ZMAT3: variants seen among roughly 807,000 people sequenced by gnomAD.
ZMAT3 encodes zinc finger matrin-type 3.
In ZMAT3, 17 loss-of-function variants were observed where a neutral mutation model predicts 32.3. The observed-to-expected ratio is 0.53, with a 90% CI of 0.36 to 0.79. The LOEUF (loss-of-function observed/expected upper bound fraction) is 0.79. ZMAT3 is among the 30% of genes least tolerant of loss of function. The probability of loss-of-function intolerance (pLI) is 0.00; values close to 1 mark genes in which losing one functional copy is unlikely to be tolerated. For synonymous variants in ZMAT3, 120 were observed against 133.1 expected (o/e 0.90, Z 0.68); for missense variants, 329 against 359.7 (o/e 0.91, Z 0.69).
chr3:179,057,024 T>C (rs1374309285), intron 2 of ZMAT3, among the ~76,000 whole-genome samples: 1 of 152,172 alleles, frequency 6.6e-6, no homozygotes, highest in Non-Finnish European at 1.5e-5. Context: ...GAGCAAAGAA[T>C]GCCTGTCCAG....
rs951700308 is a variant in ZMAT3, at chr3:179,022,047, T to C, written c.*2970A>G. 2 of 151,616 alleles carry C rather than the reference T, an allele frequency of 1.3e-5. No homozygotes were observed. The highest frequency in any genetic ancestry group is 4.9e-5 in the African/African-American group (2 of 40,916). 9.4% of individuals were successfully genotyped at this position (151,616 alleles called of 1,614,324 possible). Reference sequence around the variant, plus strand: ...TAGGCAATACGGTACTAAAGTGTCCTATAAAACAAACACATAGCTCTTTTT... The same window carrying C: ...TAGGCAATACGGTACTAAAGTGTCCCATAAAACAAACACATAGCTCTTTTT... On this transcript the variant is annotated 3_prime_UTR_variant, in exon 6 of 6. Coordinates refer to ENST00000311417, the MANE Select transcript of ZMAT3 (RefSeq NM_022470.4).
rs538265879 is a variant in ZMAT3 at position 179,070,106 on chromosome 3, G to A, written c.-58+1489C>T. Among the ~76,000 whole-genome samples, 3 of 147,230 alleles carry A rather than the reference G, an allele frequency of 2.0e-5. No individual in the cohort carries two copies. In the South Asian group the frequency reaches 6.5e-4, roughly 32 times the overall value. On this transcript the variant is annotated intron_variant, in intron 1 of 5. Coordinates refer to ENST00000311417, the MANE Select transcript of ZMAT3 (RefSeq NM_022470.4). ...ACAAACATTCTGCTAGTTCATTAGTGAAAAGGTGGGGGGGGGTGTCAAAAC... is the reference window on the plus strand; with the variant it reads ...ACAAACATTCTGCTAGTTCATTAGTAAAAAGGTGGGGGGGGGTGTCAAAAC...
chr3:179,042,920 A>T (rs1168033906), intron 2 of ZMAT3, among the ~76,000 whole-genome samples: 1 of 152,212 alleles, frequency 6.6e-6, no homozygotes, highest in African/African-American at 2.4e-5. Flanking sequence ...GCACTCCTAT[A>T]CACCAATAAC....
chr3:179,067,114 T>A (rs758316760), intron 2 of ZMAT3, among the ~76,000 whole-genome samples: 2 of 152,162 alleles, frequency 1.3e-5, no homozygotes, highest in Non-Finnish European at 2.9e-5. Context: ...ACATCATGGG[T>A]TTTTTTGTTT....
At chr3:179,051,875 ATACT>A (rs1485681505) in intron 2 of ZMAT3, among the ~76,000 whole-genome samples, 1 of 152,208 alleles carries the variant, frequency 6.6e-6, no homozygotes, top group Non-Finnish European at 1.5e-5. Flanking sequence ...ATAAAGCCAA[ATACT>A]TACGGTCAAC....
rs983489318 is a variant in ZMAT3, at chr3:179,046,368, G to A, written c.271-15369C>T. Among the ~76,000 whole-genome samples, 4 of 152,214 alleles carry A rather than the reference G, an allele frequency of 2.6e-5. No homozygotes were observed. The highest frequency in any genetic ancestry group is 9.6e-5 in the African/African-American group (4 of 41,456). ...ACTAAGAAAAGTATGCAAATTTGCA[G>A]GGAAAATAGCAGACAGGAGGCAGGA... On this transcript the variant is annotated intron_variant, in intron 2 of 5. Coordinates refer to ENST00000311417, the MANE Select transcript of ZMAT3 (RefSeq NM_022470.4). The surrounding 1 kb of genome is among the most constrained non-coding windows in gnomAD (Gnocchi z 4.3).
intron 1 of ZMAT3, among the ~76,000 whole-genome samples, chr3:179,068,566 C>G (rs749366327): frequency 1.1e-4 from 16 of 151,218 alleles, no homozygotes; most frequent in Non-Finnish European, 2.2e-4. Flanking sequence ...TTCCAACCAA[C>G]CAATATCAAA....
intron 2 of ZMAT3, among the ~76,000 whole-genome samples, chr3:179,034,240 A>T (rs751808310): frequency 7.9e-5 from 12 of 152,366 alleles, no homozygotes; most frequent in Middle Eastern, 3.4e-3. Context: ...AAGCAGCTAA[A>T]TAGAGTAATG....
In ZMAT3 at chr3:179,046,242, G is replaced by A. The variant is rs1720229637; in HGVS notation, c.271-15243C>T. 6.6e-6 allele frequency among the ~76,000 whole-genome samples: 1 copy of A among 152,194 alleles called. No homozygotes were observed. Among genetic ancestry groups the A allele is most frequent in the Admixed American group, 6.5e-5 (1 of 15,284 alleles). ...AGAAGAGGTACCCAGTACTAGTGGA[G>A]GGGTCAAGGTTAGATAGTATCAGGT... On this transcript the variant is annotated intron_variant, in intron 2 of 5. Transcript: ENST00000311417. The surrounding 1 kb of genome is among the most constrained non-coding windows in gnomAD (Gnocchi z 4.3).
At chr3:179,067,938 T>C in intron 1 of ZMAT3, 129 bp from the exon 2 acceptor site, 1 of 868,746 alleles carries the variant, frequency 1.2e-6, no homozygotes, top group Non-Finnish European at 1.7e-6. Context: ...GGGACTTCTT[T>C]CCTTTGGCCT....
At position 179,018,691 on chromosome 3, in the gene ZMAT3, A is replaced by C. The variant is rs1718393997; in HGVS notation, c.*6326T>G. 6.6e-6 allele frequency: 1 copy of C among 152,186 alleles called. No homozygotes were observed. The highest frequency in any genetic ancestry group is 1.5e-5 in the Non-Finnish European group (1 of 68,014). 9.4% of individuals were successfully genotyped at this position (152,186 alleles called of 1,614,324 possible). A position where few individuals can be genotyped will look rare whatever the true frequency, so the allele number is the denominator to read the frequency against. On this transcript the variant is annotated 3_prime_UTR_variant, in exon 6 of 6. Transcript: ENST00000311417. ...AAAGTGGGCATAAAAATAAAGGCAT[A>C]TGTAAAAATAATTTTTTCTAAACAT...
intron 5 of ZMAT3, among the ~76,000 whole-genome samples, chr3:179,026,868 A>C (rs1718902965): frequency 1.3e-5 from 2 of 152,226 alleles, no homozygotes; most frequent in South Asian, 4.1e-4. Flanking sequence ...GAAGACAATC[A>C]GAAAATGCAG....
In ZMAT3 at chr3:179,053,165, T is replaced by A. The variant is rs147533435; in HGVS notation, c.270+14318A>T. ...TAAAATAAATCAAAATAAATAAAAT[T>A]AGAATATAGGTATAGATATAGAATA... On this transcript the variant is annotated intron_variant, in intron 2 of 5. Transcript: ENST00000311417. Among the ~76,000 whole-genome samples, 12 of 151,078 alleles carry A rather than the reference T, an allele frequency of 7.9e-5. No individual in the cohort carries two copies. The East Asian group carries it at 2.3e-3, about 29-fold the overall frequency.
At chr3:179,031,072 T>C in intron 2 of ZMAT3, 73 bp from the exon 3 acceptor site, 1 of 1,335,920 alleles carries the variant, frequency 7.5e-7, no homozygotes, top group Non-Finnish European at 1.0e-6. Flanking sequence ...TTAGCTATGG[T>C]CAACTGTGGT....
At chr3:179,035,905 A>G (rs1374013462) in intron 2 of ZMAT3, among the ~76,000 whole-genome samples, 1 of 152,234 alleles carries the variant, frequency 6.6e-6, no homozygotes, top group African/African-American at 2.4e-5. Context: ...GAGGTAAGCA[A>G]TACGGAAAAA....
At chr3:179,045,141 T>C (rs1372741937) in intron 2 of ZMAT3, among the ~76,000 whole-genome samples, 1 of 151,882 alleles carries the variant, frequency 6.6e-6, no homozygotes, top group Non-Finnish European at 1.5e-5. Context: ...CACTACAATA[T>C]CAAGTGTGGC....
At chr3:179,071,237 T>C (rs558976165) in intron 1 of ZMAT3, 1 of 152,294 alleles carries the variant, frequency 6.6e-6, no homozygotes, top group South Asian at 2.1e-4. Context: ...GTTTACAGAT[T>C]TGAATCAAAG....
chr3:179,042,508 T>C (rs1358718070), intron 2 of ZMAT3, among the ~76,000 whole-genome samples: 1 of 152,184 alleles, frequency 6.6e-6, no homozygotes, highest in African/African-American at 2.4e-5. Flanking sequence ...GAAAAGGCCT[T>C]TGACAAAACT....
At chr3:179,034,065 G>T (rs1233463232) in intron 2 of ZMAT3, among the ~76,000 whole-genome samples, 2 of 152,196 alleles carry the variant, frequency 1.3e-5, no homozygotes, top group African/African-American at 2.4e-5. Flanking sequence ...AGTGGCAAGG[G>T]TCAATAGTAC....
Sources: allele counts gnomAD v4.1 joint callset (sites outside exome capture counted in the v4.1 genomes callset), GRCh38; gene constraint gnomAD v4.1.1; non-coding constraint Gnocchi (gnomAD v3.1); transcripts MANE v1.5; gene names NCBI Gene and HGNC (gene_info 2026-07-23, HGNC 2026-07-21).